The following PLAGL2 variants were observed in gnomAD, a reference collection of about 807,000 sequenced individuals.
The protein encoded by PLAGL2 is PLAG1 like zinc finger 2.
Under a neutral mutation model 29.0 loss-of-function variants are expected in PLAGL2, and 7 were observed. That is an observed-to-expected ratio of 0.24 (90% CI 0.14 to 0.45). The LOEUF (loss-of-function observed/expected upper bound fraction) is 0.45, where lower values mean the gene tolerates loss of function less well. Among genes scored for constraint, PLAGL2 ranks in the 20% least tolerant of loss-of-function variants. PLAGL2 has a pLI of 0.99. For synonymous variants in PLAGL2, 234 were observed against 266.0 expected (o/e 0.88, Z 1.17); for missense variants, 454 against 648.2 (o/e 0.70, Z 3.25).
chr20:32,193,248 G>C lies in PLAGL2; in HGVS notation c.*3204C>G, dbSNP rs1334087550. ...GAAAACAGCTACCAAAAAGGGAGGG[G>C]GGAGTTTAAAGGACTACTAGGGAAA... On this transcript the variant is annotated 3_prime_UTR_variant, in exon 3 of 3. Coordinates refer to ENST00000246229, the MANE Select transcript of PLAGL2 (RefSeq NM_002657.3). The C allele has an allele frequency of 6.6e-6, 1 of 152,222 alleles. No individual in the cohort carries two copies. The highest frequency in any genetic ancestry group is 6.5e-5 in the Admixed American group (1 of 15,274). 9.4% of individuals were successfully genotyped at this position (152,222 alleles called of 1,614,324 possible).
At chr20:32,200,431 G>C (rs1302075356) in intron 2 of PLAGL2, among the ~76,000 whole-genome samples, 1 of 152,004 alleles carries the variant, frequency 6.6e-6, no homozygotes, top group African/African-American at 2.4e-5. Context: ...GTAGAGACGG[G>C]GTTTCACCGT....
Position 32,197,022 on chromosome 20 carries a change from G to C in PLAGL2, c.921C>G (p.Ser307Arg). Residue 307 changes from serine to arginine, a missense_variant, in exon 3 of 3, where the codon AGC (serine) becomes AGG (arginine). This residue lies in a region of PLAGL2 where 247 missense variants were observed against 350.3 expected (regional missense o/e 0.71). Transcript: ENST00000246229. This position sits in a 1 kb window ranked among gnomAD's most constrained non-coding sequence, Gnocchi z 6.6. ...GCACCAGGGAGTGTGGCACGCCCGT[G>C]CTGGGCATGGTAGGGATGTGGGCAC... ...MYGAHIPTMP[S>R]TGVPHSLVHN... is the part of the protein sequence containing the mutation. The C allele has an allele frequency of 6.2e-7, 1 of 1,614,140 alleles. No homozygotes were observed. Among genetic ancestry groups the C allele is most frequent in the Non-Finnish European group, 8.5e-7 (1 of 1,179,954 alleles).
At position 32,197,936 on chromosome 20, in the gene PLAGL2, A is replaced by G. The variant is rs951123059; in HGVS notation, c.261-254T>C. Among the ~76,000 whole-genome samples the G allele has an allele frequency of 1.3e-5, 2 of 152,216 alleles. No homozygotes were observed. Among genetic ancestry groups the G allele is most frequent in the Non-Finnish European group, 2.9e-5 (2 of 68,040 alleles). On this transcript the variant is annotated intron_variant, in intron 2 of 2. Coordinates refer to ENST00000246229, the MANE Select transcript of PLAGL2 (RefSeq NM_002657.3). This position sits in a 1 kb window ranked among gnomAD's most constrained non-coding sequence, Gnocchi z 6.6. Reference sequence around the variant, plus strand: ...AAACAATCTGAACGTCCAATCTATCAATAGGGAACTGGTTACATAAATTAT... The same window carrying G: ...AAACAATCTGAACGTCCAATCTATCGATAGGGAACTGGTTACATAAATTAT...
chr20:32,200,876 G>A (rs2047256042), intron 2 of PLAGL2, among the ~76,000 whole-genome samples: 2 of 152,156 alleles, frequency 1.3e-5, no homozygotes, highest in East Asian at 1.9e-4. Flanking sequence ...TTACAAGTGC[G>A]AGCCACCACG....
intron 1 of PLAGL2, among the ~76,000 whole-genome samples, chr20:32,203,295 G>A (rs990065951): frequency 6.6e-6 from 1 of 152,182 alleles, no homozygotes; most frequent in East Asian, 1.9e-4. Context: ...AACTGGGTTC[G>A]CAGCCATTCC....
At position 32,196,599 on chromosome 20, in the gene PLAGL2, G is replaced by A. The variant is rs747085325; in HGVS notation, c.1344C>T (p.Pro448=). Residue 448 remains proline (P), a synonymous_variant, in exon 3 of 3, where the codon CCC becomes CCT. Coordinates refer to ENST00000246229, the MANE Select transcript of PLAGL2 (RefSeq NM_002657.3). The part of the protein sequence containing the change: ...VMGYSQAEAQ[P]LLTTLQAQPQ... ...GCTGAGCTTGCAAAGTGGTAAGCAGGGGCTGTGCCTCAGCCTGGGAGTAGC... is the reference window on the plus strand; with the variant it reads ...GCTGAGCTTGCAAAGTGGTAAGCAGAGGCTGTGCCTCAGCCTGGGAGTAGC... 2.6e-6 allele frequency: 4 copies of A among 1,535,876 alleles called. No homozygotes were observed. Among genetic ancestry groups the A allele is most frequent in the Non-Finnish European group, 2.6e-6 (3 of 1,145,446 alleles).
At chr20:32,200,369 T>C (rs549075037) in intron 2 of PLAGL2, among the ~76,000 whole-genome samples, 101 of 152,252 alleles carry the variant, frequency 6.6e-4, no homozygotes, top group African/African-American at 2.4e-3. Flanking sequence ...TCCCGGTAGC[T>C]GGGACTACAG....
At chr20:32,207,588 A>C (rs1365470011) in intron 1 of PLAGL2, 53 bp downstream of exon 1, 1 of 154,606 alleles carries the variant, frequency 6.5e-6, no homozygotes, top group Non-Finnish European at 1.4e-5. Flanking sequence ...ACGCAGCGAG[A>C]CGGCCTCCCG....
At chr20:32,198,123 G>C (rs1320062205) in intron 2 of PLAGL2, among the ~76,000 whole-genome samples, 3 of 152,196 alleles carry the variant, frequency 2.0e-5, no homozygotes, top group African/African-American at 7.2e-5. Context: ...ATGTATGTTT[G>C]CTTGTATATG....
At position 32,198,986 on chromosome 20, in the gene PLAGL2, G is replaced by A. The variant is rs185618796; in HGVS notation, c.261-1304C>T. On this transcript the variant is annotated intron_variant, in intron 2 of 2. Coordinates refer to ENST00000246229, the MANE Select transcript of PLAGL2 (RefSeq NM_002657.3). The stretch of plus-strand genomic sequence containing the variant: ...TTACCTGATCCTATATGGTTGAAAA[G>A]TGGCTCAGAATCCAGGAACTGCAAT... Among the ~76,000 whole-genome samples the A allele has an allele frequency of 1.2e-4, 18 of 152,290 alleles. No homozygotes were observed. The East Asian group carries it at 2.9e-3, about 24-fold the overall frequency.
Position 32,197,567 on chromosome 20 carries a change from C to T in PLAGL2, c.376G>A (p.Ala126Thr). The part of the protein sequence containing the change: ...HLQTHDPNKE[A>T]LHCSECGKNY... ...TTACCGCACTCAGAGCAGTGGAGGG[C>T]CTCTTTGTTAGGATCATGGGTCTGC... The change falls in exon 3 of 3, where the codon GCC becomes ACC. Residue 126 changes from alanine (A) to threonine (T), a missense_variant. By Grantham distance (58) the Ala-to-Thr change is moderately conservative. This residue lies in a region of PLAGL2 where 111 missense variants were observed against 173.1 expected (regional missense o/e 0.64). Coordinates refer to ENST00000246229, the MANE Select transcript of PLAGL2 (RefSeq NM_002657.3). The surrounding 1 kb of genome is among the most constrained non-coding windows in gnomAD (Gnocchi z 6.6). 6.2e-7 allele frequency: 1 copy of T among 1,614,206 alleles called. No homozygotes were observed.
chr20:32,206,839 C>T (rs2047290422), intron 1 of PLAGL2, among the ~76,000 whole-genome samples: 2 of 152,086 alleles, frequency 1.3e-5, no homozygotes, highest in African/African-American at 2.4e-5. Context: ...TGGATGAGGG[C>T]TGGAGAAGCA....
intron 1 of PLAGL2, among the ~76,000 whole-genome samples, chr20:32,206,469 G>A (rs1186003258): frequency 6.6e-6 from 1 of 152,160 alleles, no homozygotes; most frequent in Admixed American, 6.5e-5. Flanking sequence ...CACTCCTGGG[G>A]AGGCCTTGAA....
rs764071568 is a variant in PLAGL2, at chr20:32,196,676, G to A, written c.1267C>T (p.Leu423Phe). The change falls in exon 3 of 3, where the codon CTC becomes TTC. Residue 423 changes from leucine (L) to phenylalanine (F), a missense_variant. Around this residue, in one of 4 missense-constraint regions of PLAGL2, gnomAD observed 247 missense variants for 350.3 expected, o/e 0.71. Coordinates refer to ENST00000246229, the MANE Select transcript of PLAGL2 (RefSeq NM_002657.3). ...DFSHLLGFLP[L>F]NLPPCNPPGA... ...GGTGGGTTACACGGGGGCAGGTTGA[G>A]TGGAAGAAAGCCCAGTAGGTGGGAG... 6 of 1,546,150 alleles carry A rather than the reference G, an allele frequency of 3.9e-6. No homozygotes were observed. The Admixed American group carries it at 9.8e-5, about 25-fold the overall frequency.
rs754267637 is a variant in PLAGL2, at chr20:32,202,138, T to C, written c.41A>G (p.Asp14Gly). The part of the protein sequence containing the change: ...FFTSVPPWIQ[D>G]AKQEEEVGWK... ...GCCCACTTCCTCCTCCTGCTTTGCATCTTGAATCCAGGGGGGGACGCTGGT... is the reference window on the plus strand; with the variant it reads ...GCCCACTTCCTCCTCCTGCTTTGCACCTTGAATCCAGGGGGGGACGCTGGT... The change falls in exon 2 of 3, where the codon GAT becomes GGT. Residue 14 changes from aspartate to glycine, a missense_variant. Transcript: ENST00000246229. 2.2e-5 allele frequency: 36 copies of C among 1,614,056 alleles called. No individual in the cohort carries two copies. The South Asian group carries it at 3.8e-4, about 17-fold the overall frequency.
At chr20:32,202,958 C>T (rs1208343935) in intron 1 of PLAGL2, among the ~76,000 whole-genome samples, 1 of 152,186 alleles carries the variant, frequency 6.6e-6, no homozygotes, top group Non-Finnish European at 1.5e-5. Context: ...ATCCTGACCA[C>T]CACCACTTCT....
intron 1 of PLAGL2, among the ~76,000 whole-genome samples, chr20:32,205,966 C>T (rs563277038): frequency 2.0e-5 from 3 of 152,284 alleles, no homozygotes; most frequent in African/African-American, 7.2e-5. Context: ...AGTGACTACC[C>T]TAAAATAGCT....
chr20:32,207,657 C>A lies in PLAGL2; in HGVS notation c.-131G>T. On this transcript the variant is annotated 5_prime_UTR_variant, in exon 1 of 3. Transcript: ENST00000246229. ...GGCACTCACCGCGCTCGGGGCCCCA[C>A]GCTGCGGGCCGGGCCGCGCTCGGGC... The A allele has an allele frequency of 5.3e-6, 1 of 187,382 alleles. No individual in the cohort carries two copies. Among genetic ancestry groups the A allele is most frequent in the Non-Finnish European group, 1.1e-5 (1 of 93,096 alleles). The allele number at this position is 187,382 out of a possible 1,614,324, so 11.6% of individuals were successfully genotyped here.
At chr20:32,206,921 T>G (rs2047291052) in intron 1 of PLAGL2, among the ~76,000 whole-genome samples, 3 of 151,826 alleles carry the variant, frequency 2.0e-5, no homozygotes, top group Admixed American at 2.0e-4. Flanking sequence ...GAAGGAATCA[T>G]GAGCAACTTT....
Sources: allele counts gnomAD v4.1 joint callset (sites outside exome capture counted in the v4.1 genomes callset), GRCh38; gene constraint gnomAD v4.1.1; regional missense constraint gnomAD v4.1.1; non-coding constraint Gnocchi (gnomAD v3.1); transcripts MANE v1.5; gene names NCBI Gene and HGNC (gene_info 2026-07-23, HGNC 2026-07-21).